Variants in DNAH5 observed in about 807,000 individuals in gnomAD.
DNAH5 encodes axonemal beta dynein heavy chain 5.
Under a neutral mutation model 518.2 loss-of-function variants are expected in DNAH5, and 372 were observed. The ratio of observed to expected loss-of-function variants is 0.72; its 90% confidence interval spans 0.66 to 0.78. The LOEUF (loss-of-function observed/expected upper bound fraction) is 0.78. Among genes scored for constraint, DNAH5 ranks in the 30% least tolerant of loss-of-function variants. DNAH5 has a pLI of 0.00. For synonymous variants in DNAH5, 2,039 were observed against 2,025.9 expected (o/e 1.01, Z -0.17); for missense variants, 5,523 against 5,687.0 (o/e 0.97, Z 0.93).
chr5:13,736,299 G>A (rs1747406905), intron 66 of DNAH5, among the ~76,000 whole-genome samples: 1 of 152,174 alleles, frequency 6.6e-6, no homozygotes, highest in African/African-American at 2.4e-5. Flanking sequence ...TTAAGTTCCA[G>A]GGAGAAGCCA....
chr5:13,777,558 C>A (rs1026095673), intron 53 of DNAH5, among the ~76,000 whole-genome samples: 1 of 152,100 alleles, frequency 6.6e-6, no homozygotes, highest in Non-Finnish European at 1.5e-5. Flanking sequence ...AATGTTTCTA[C>A]ATAAAAAACT....
intron 1 of DNAH5, among the ~76,000 whole-genome samples, chr5:13,982,696 G>GTGAGTAGACATATGCACTATTGCATGAA (rs1316791329): frequency 3.6e-4 from 4 of 11,168 alleles, no homozygotes; most frequent in African/African-American, 9.5e-4. Flanking sequence ...TATTGCATGA[G>GTGAGTAGACATATGCACTATTGCATGAA]TGAGTAGACA....
rs147339019 is a variant in DNAH5 at position 13,859,535 on chromosome 5, C to T, written c.4867G>A (p.Glu1623Lys). The change falls in exon 30 of 79, where the codon GAG becomes AAG. Residue 1623 changes from glutamate to lysine, a missense_variant. Physicochemically the swap from Glu to Lys is moderately conservative, Grantham distance 56. Around this residue, in one of 3 missense-constraint regions of DNAH5, gnomAD observed 5,121 missense variants for 5,223.3 expected, o/e 0.98. Transcript: ENST00000265104. ...QYLSNSTDII[E>K]SWMTVQNLWI... ...AGGTTTTGCACCGTCATCCAGCTCT[C>T]GATGATGTCTGTTGAGTTGGAAAGG... 100 of 1,613,972 alleles carry T rather than the reference C, an allele frequency of 6.2e-5. No homozygotes were observed. Among genetic ancestry groups the T allele is most frequent in the African/African-American group, 1.1e-4 (8 of 75,010 alleles).
intron 1 of DNAH5, among the ~76,000 whole-genome samples, chr5:13,956,316 A>G (rs778889410): frequency 6.6e-6 from 1 of 152,256 alleles, no homozygotes; most frequent in Non-Finnish European, 1.5e-5. Context: ...TGACTAGCAC[A>G]ATATCTGCCA....
chr5:13,841,309 T>C (rs1353681406), intron 33 of DNAH5, among the ~76,000 whole-genome samples, 179 bp from the exon 34 acceptor site: 3 of 152,244 alleles, frequency 2.0e-5, no homozygotes, highest in Non-Finnish European at 2.9e-5. Flanking sequence ...GAGTCATTTA[T>C]GTTGAAGTCA....
At chr5:13,878,128 G>A (rs886408226) in intron 21 of DNAH5, among the ~76,000 whole-genome samples, 1 of 152,158 alleles carries the variant, frequency 6.6e-6, no homozygotes, top group Non-Finnish European at 1.5e-5. Context: ...TCCCCCAGGA[G>A]CAGTGCAGAG....
chr5:13,987,884 T>C (rs10078782), intron 1 of DNAH5, among the ~76,000 whole-genome samples: 2,117 of 136,344 alleles, frequency 0.016, 51 homozygotes, highest in African/African-American at 0.055. Flanking sequence ...TTAAATAAGA[T>C]TATTCAATAG....
chr5:13,929,801 C>A (rs541657201), intron 2 of DNAH5, among the ~76,000 whole-genome samples: 3 of 152,254 alleles, frequency 2.0e-5, no homozygotes, highest in South Asian at 2.1e-4. Flanking sequence ...GGTATCCCTA[C>A]AGAGCTGAAC....
At chr5:13,841,177 GTATT>G in intron 33 of DNAH5, 47 bp from the exon 34 acceptor site, 1 of 1,417,766 alleles carries the variant, frequency 7.1e-7, no homozygotes, top group Non-Finnish European at 9.9e-7. Context: ...GCATATTTAT[GTATT>G]TAAATAGAAA....
At chr5:13,906,154 A>G (rs1031109994) in intron 12 of DNAH5, among the ~76,000 whole-genome samples, 2 of 152,196 alleles carry the variant, frequency 1.3e-5, no homozygotes, top group African/African-American at 4.8e-5. Flanking sequence ...GTAGGAAAAC[A>G]CTTTGCCTGA....
intron 2 of DNAH5, among the ~76,000 whole-genome samples, chr5:13,929,924 C>T (rs1350456043): frequency 6.6e-6 from 1 of 152,172 alleles, no homozygotes; most frequent in Non-Finnish European, 1.5e-5. Context: ...GCCCTCTCTG[C>T]TTTTATGCCT....
At chr5:13,822,109 A>C (rs748737138) in intron 40 of DNAH5, among the ~76,000 whole-genome samples, 36 of 151,948 alleles carry the variant, frequency 2.4e-4, no homozygotes, top group Non-Finnish European at 3.4e-4. Flanking sequence ...GTAGTGTTAA[A>C]ATTAGCCAAA....
At position 13,883,075 on chromosome 5, in the gene DNAH5, G is replaced by A. The variant is rs752944631; in HGVS notation, c.3003C>T (p.Asn1001=). 1.2e-6 allele frequency: 2 copies of A among 1,614,016 alleles called. No individual in the cohort carries two copies. Among genetic ancestry groups the A allele is most frequent in the South Asian group, 1.1e-5 (1 of 91,078 alleles). Residue 1001 remains asparagine (N), a synonymous_variant, in exon 20 of 79, where the codon AAC becomes AAT. Transcript: ENST00000265104. ...AAATGGGCAAACTGTTCTGCTTCAT[G>A]TTAGAGGCACTGTTACTGTCTGAGT... The part of the protein sequence containing the change: ...INFRDSNSAS[N]MKQNSLPIFR...
chr5:13,987,722 C>T (rs1425205737), intron 1 of DNAH5, among the ~76,000 whole-genome samples: 1 of 151,910 alleles, frequency 6.6e-6, no homozygotes, highest in East Asian at 1.9e-4. Flanking sequence ...GGCATGGTGG[C>T]GCACGCCTAT....
At chr5:13,752,505 A>C (rs548566160) in intron 63 of DNAH5, among the ~76,000 whole-genome samples, 4 of 152,370 alleles carry the variant, frequency 2.6e-5, no homozygotes, top group African/African-American at 9.6e-5. Flanking sequence ...TGATGGTTGA[A>C]TGTACACAAA....
In DNAH5 at chr5:13,696,592, A is replaced by T. The variant is rs569710862; in HGVS notation, c.13723+4048T>A. Among the ~76,000 whole-genome samples, 9 of 152,340 alleles carry T rather than the reference A, an allele frequency of 5.9e-5. No individual in the cohort carries two copies. In the East Asian group the frequency reaches 1.7e-3, roughly 29 times the overall value. On this transcript the variant is annotated intron_variant, in intron 78 of 78. Transcript: ENST00000265104. Reference sequence around the variant, plus strand: ...CATATTAATGTAAAAACTGTTAACTATAAGAATTCCAATTTTTAAATGCTG... The same window carrying T: ...CATATTAATGTAAAAACTGTTAACTTTAAGAATTCCAATTTTTAAATGCTG...
chr5:13,793,905 A>G, intron 48 of DNAH5, 31 bp downstream of exon 48: 1 of 1,612,474 alleles, frequency 6.2e-7, no homozygotes, highest in Non-Finnish European at 8.5e-7. Context: ...ACCAAATTAA[A>G]GAAATAAAAT....
chr5:13,820,507 C>G lies in DNAH5; in HGVS notation c.6688-8G>C. On this transcript the variant is annotated splice_region_variant and splice_polypyrimidine_tract_variant and intron_variant, in intron 40 of 78. Coordinates refer to ENST00000265104, the MANE Select transcript of DNAH5 (RefSeq NM_001369.3). ...TAAACCAGCTTCTTCAACCTGAAAA[C>G]ATAAGAGAATCCCCACATTGAAACA... 1 of 1,613,760 alleles carries G rather than the reference C, an allele frequency of 6.2e-7. No homozygotes were observed.
chr5:13,939,953 G>T (rs1779306633), intron 1 of DNAH5, among the ~76,000 whole-genome samples: 1 of 152,154 alleles, frequency 6.6e-6, no homozygotes, highest in African/African-American at 2.4e-5. Flanking sequence ...TAGCACTTAA[G>T]CGTGTGGTAC....
Sources: gnomAD v4.1 joint callset for allele counts (sites outside exome capture counted in the v4.1 genomes callset) on GRCh38, gnomAD v4.1.1 for gene constraint, gnomAD v4.1.1 regional missense constraint, MANE v1.5 for transcripts, NCBI Gene and HGNC (gene_info 2026-07-23, HGNC 2026-07-21) for gene names.